The following TAF6L variants were observed in gnomAD, a reference collection of about 807,000 sequenced individuals.
The protein encoded by TAF6L is TATA-box binding protein associated factor 6 like.
TAF6L carries 34 observed loss-of-function variants against 57.3 expected under a neutral mutation model. The observed-to-expected ratio is 0.59, with a 90% confidence interval of 0.45 to 0.79. The LOEUF is 0.79. TAF6L is among the 30% of genes least tolerant of loss of function. The pLI, the probability that TAF6L is intolerant of heterozygous loss-of-function variation, is 0.00. For synonymous variants in TAF6L, 417 were observed against 376.3 expected (o/e 1.11, Z -1.25); for missense variants, 782 against 853.2 (o/e 0.92, Z 1.04).
intron 6 of TAF6L, among the ~76,000 whole-genome samples, chr11:62,779,370 A>AT (rs1254317324): frequency 4.6e-5 from 7 of 151,384 alleles, no homozygotes; most frequent in Non-Finnish European, 8.8e-5. Context: ...AATTTTTTGT[A>AT]TTTTTTAGTA....
At chr11:62,782,877 G>A in intron 9 of TAF6L, 52 bp downstream of exon 9, 1 of 1,600,876 alleles carries the variant, frequency 6.2e-7, no homozygotes, top group Non-Finnish European at 8.5e-7. Flanking sequence ...ATTTGTGTTA[G>A]AAAAATAGTA....
At chr11:62,776,261 G>C in intron 2 of TAF6L, 123 bp from the exon 3 acceptor site, 1 of 955,418 alleles carries the variant, frequency 1.0e-6, no homozygotes, top group Non-Finnish European at 1.6e-6. Context: ...CGGAATCTAG[G>C]CTTCTGATCC....
At chr11:62,784,467 C>T (rs1391913852) in intron 9 of TAF6L, among the ~76,000 whole-genome samples, 7 of 151,252 alleles carry the variant, frequency 4.6e-5, no homozygotes, top group East Asian at 2.0e-4. Flanking sequence ...CCACCATGCC[C>T]GGCTAATTTT....
rs1211726726 is a variant in TAF6L at position 62,786,286 on chromosome 11, C to T, written c.987C>T (p.His329=). The T allele has an allele frequency of 6.2e-7, 1 of 1,614,124 alleles. No individual in the cohort carries two copies. The highest frequency in any genetic ancestry group is 1.7e-5 in the Admixed American group (1 of 60,020). Residue 329 remains histidine (H), a synonymous_variant, in exon 10 of 11, where the codon CAC becomes CAT. Coordinates refer to ENST00000294168, the MANE Select transcript of TAF6L (RefSeq NM_006473.4). ...CAGTAGAACGAGTCCTGTACCCACA[C>T]CTGTCCACCTACTGGACAAACTTGC... ...WKAVERVLYP[H]LSTYWTNLQA... is the part of the protein sequence containing the mutation.
chr11:62,772,859 T>G (rs149698727), intron 1 of TAF6L, among the ~76,000 whole-genome samples: 3,241 of 151,962 alleles, frequency 0.021, 122 homozygotes, highest in African/African-American at 0.072. Flanking sequence ...GATCTTTTTT[T>G]TTTGTTTGTT....
chr11:62,784,276 C>T (rs1590937869), intron 9 of TAF6L, among the ~76,000 whole-genome samples: 1 of 149,130 alleles, frequency 6.7e-6, no homozygotes, highest in Non-Finnish European at 1.5e-5. Context: ...GCGTGAGCCA[C>T]CGGTGCCTGG....
Position 62,779,979 on chromosome 11 carries a change from T to C in TAF6L, c.531+1016T>C, listed in dbSNP as rs1186793751. On this transcript the variant is annotated intron_variant, in intron 6 of 10. Coordinates refer to ENST00000294168, the MANE Select transcript of TAF6L (RefSeq NM_006473.4). The stretch of plus-strand genomic sequence containing the variant: ...ATATATATATATATATATATATATT[T>C]TTTTTTTTTTTTTTTTTAGAGACAG... Among the ~76,000 whole-genome samples, 2 of 100,812 alleles carry C rather than the reference T, an allele frequency of 2.0e-5. 1 individual carries two copies. Among genetic ancestry groups the C allele is most frequent in the African/African-American group, 5.9e-5 (2 of 34,042 alleles). The allele number at this position is 100,812 out of a possible 152,430, so 66.1% of individuals were successfully genotyped here.
chr11:62,779,976 A>ATATATATATTTTTTTTTTTT (rs1294367864), intron 6 of TAF6L, among the ~76,000 whole-genome samples: 1 of 52,632 alleles, frequency 1.9e-5, no homozygotes, highest in South Asian at 6.1e-4. Flanking sequence ...ATATATATAT[A>ATATATATATTTTTTTTTTTT]TTTTTTTTTT....
At chr11:62,781,530 C>T (rs1411943001) in intron 6 of TAF6L, among the ~76,000 whole-genome samples, 2 of 150,944 alleles carry the variant, frequency 1.3e-5, no homozygotes, top group African/African-American at 4.9e-5. Flanking sequence ...AAAAATTAGC[C>T]GGGTGTGGTG....
At chr11:62,771,854 G>C (rs1469542728) in intron 1 of TAF6L, 5 of 302,720 alleles carry the variant, frequency 1.7e-5, no homozygotes, top group Non-Finnish European at 3.3e-5. Flanking sequence ...TTTCGCGCTG[G>C]TGGACTAAAT....
chr11:62,786,637 G>A lies in TAF6L; in HGVS notation c.1210G>A (p.Glu404Lys). The change falls in exon 11 of 11, where the codon GAG becomes AAG. Residue 404 changes from glutamate (E) to lysine (K), a missense_variant. This residue lies in a region of TAF6L where 483 missense variants were observed against 445.1 expected (regional missense o/e 1.09). Coordinates refer to ENST00000294168, the MANE Select transcript of TAF6L (RefSeq NM_006473.4). ...GCCATGGGACAGCCTTCTCTTTCAA[G>A]AGTCGTCCTCCGGGGGCGGTGCAGA... ...DLPWDSLLFQ[E>K]SSSGGGAEPS... 4 of 1,603,150 alleles carry A rather than the reference G, an allele frequency of 2.5e-6. No homozygotes were observed. Among genetic ancestry groups the A allele is most frequent in the Non-Finnish European group, 3.4e-6 (4 of 1,174,962 alleles).
Position 62,775,565 on chromosome 11 carries a change from G to A in TAF6L, c.-13-206G>A, listed in dbSNP as rs558082487. 5.5e-6 allele frequency: 3 copies of A among 541,952 alleles called. No homozygotes were observed. The South Asian group carries it at 7.4e-5, about 13-fold the overall frequency. The allele number at this position is 541,952 out of a possible 1,614,324, so 33.6% of individuals were successfully genotyped here. A position where few individuals can be genotyped will look rare whatever the true frequency, so the allele number is the denominator to read the frequency against. The stretch of plus-strand genomic sequence containing the variant: ...CTAGTTCTGTGAACCCCAACACTTT[G>A]GACTTTGTCTAGCTTCACCGTTCTT... On this transcript the variant is annotated intron_variant, in intron 1 of 10. Transcript: ENST00000294168.
At position 62,778,001 on chromosome 11, in the gene TAF6L, G is replaced by A. The variant is rs2084199622; in HGVS notation, c.258G>A (p.Gln86=). 3.1e-6 allele frequency: 5 copies of A among 1,614,202 alleles called. No homozygotes were observed. The South Asian group carries it at 5.5e-5, about 18-fold the overall frequency. Residue 86 remains glutamine, a synonymous_variant, in exon 4 of 11, where the codon CAG becomes CAA. Coordinates refer to ENST00000294168, the MANE Select transcript of TAF6L (RefSeq NM_006473.4). ...AGGCTGTGTGTGGTTACGGATCACA[G>A]GAGGCACTGCCCATGCGCCCCGCCA... ...SVEAVCGYGS[Q]EALPMRPARE...
chr11:62,780,807 T>C lies in TAF6L; in HGVS notation c.532-1087T>C, dbSNP rs892770950. Among the ~76,000 whole-genome samples, 3 of 149,308 alleles carry C rather than the reference T, an allele frequency of 2.0e-5. No homozygotes were observed. In the Admixed American group the frequency reaches 2.0e-4, roughly 10 times the overall value. On this transcript the variant is annotated intron_variant, in intron 6 of 10. Transcript: ENST00000294168. ...AGAAAATTAGCCGGGCTTGGTGGCA[T>C]GCGTCTGTAATCCTAGCTACTTGCG... is the stretch of plus-strand genomic sequence containing the variant.
At position 62,787,279 on chromosome 11, in the gene TAF6L, C is replaced by G. The variant is rs754774722; in HGVS notation, c.1852C>G (p.Leu618Val). The G allele has an allele frequency of 1.3e-6, 2 of 1,546,712 alleles. No individual in the cohort carries two copies. The highest frequency in any genetic ancestry group is 2.8e-5 in the African/African-American group (2 of 71,644). Reference protein sequence around the residue: ...ARRWALSDYSLYLPL With the variant: ...ARRWALSDYSVYLPL Reference sequence around the variant, plus strand: ...CCGGTGGGCGCTCTCGGACTACTCGCTGTACTTGCCGCTCTGAGTCAGTGG... The same window carrying G: ...CCGGTGGGCGCTCTCGGACTACTCGGTGTACTTGCCGCTCTGAGTCAGTGG... Residue 618 changes from leucine (L) to valine (V), a missense_variant, in exon 11 of 11, where the codon CTG (leucine) becomes GTG (valine). Coordinates refer to ENST00000294168, the MANE Select transcript of TAF6L (RefSeq NM_006473.4).
Position 62,779,976 on chromosome 11 carries a change from A to ATATATATTTTT in TAF6L, c.531+1014_531+1015insATATATTTTTT, listed in dbSNP as rs1294367864. Reference sequence around the variant, plus strand: ...CCTATATATATATATATATATATATATTTTTTTTTTTTTTTTTTTTAGAGA... The same window carrying ATATATATTTTT: ...CCTATATATATATATATATATATATATATATATTTTTTTTTTTTTTTTTTTTTTTTTAGAGA... On this transcript the variant is annotated intron_variant, in intron 6 of 10. Transcript: ENST00000294168. Among the ~76,000 whole-genome samples, 40 of 52,612 alleles carry ATATATATTTTT rather than the reference A, an allele frequency of 7.6e-4. 1 individual carries two copies. The highest frequency in any genetic ancestry group is 2.9e-3 in the African/African-American group (38 of 12,950). 34.5% of individuals were successfully genotyped at this position (52,612 alleles called of 152,430 possible).
chr11:62,772,747 G>A (rs1426124482), intron 1 of TAF6L, among the ~76,000 whole-genome samples: 11 of 148,698 alleles, frequency 7.4e-5, no homozygotes, highest in African/African-American at 2.0e-4. Flanking sequence ...TTAGTGAGCC[G>A]AGATCAAGCC....
At position 62,777,007 on chromosome 11, in the gene TAF6L, C is replaced by T. The variant is rs1334932822; in HGVS notation, c.234+537C>T. Among the ~76,000 whole-genome samples the T allele has an allele frequency of 3.9e-5, 6 of 151,974 alleles. No homozygotes were observed. In the East Asian group the frequency reaches 5.8e-4, roughly 15 times the overall value. ...ACTAAAAATACAAAAATTAGCTGGC[C>T]GTGGCGGTGGGCGCCTGTAACCCCA... On this transcript the variant is annotated intron_variant, in intron 3 of 10. Transcript: ENST00000294168.
At chr11:62,783,918 C>G (rs1395668793) in intron 9 of TAF6L, among the ~76,000 whole-genome samples, 1 of 149,180 alleles carries the variant, frequency 6.7e-6, no homozygotes, top group African/African-American at 2.5e-5. Context: ...CTTTTGTATA[C>G]CTGGAATAAG....
Sources: allele counts gnomAD v4.1 joint callset (sites outside exome capture counted in the v4.1 genomes callset), GRCh38; gene constraint gnomAD v4.1.1; regional missense constraint gnomAD v4.1.1; transcripts MANE v1.5; gene names NCBI Gene and HGNC (gene_info 2026-07-23, HGNC 2026-07-21).